Variants in PPP2R3A observed in about 807,000 individuals in gnomAD.
PPP2R3A encodes protein phosphatase 2 regulatory subunit B''alpha, also known as serine/threonine-protein phosphatase 2A regulatory subunit B'' subunit alpha.
Under a neutral mutation model 106.9 loss-of-function variants are expected in PPP2R3A, and 80 were observed. That is an observed-to-expected ratio of 0.75 (90% CI 0.62 to 0.90). PPP2R3A has a LOEUF of 0.90. Among genes scored for constraint, PPP2R3A ranks in the 40% least tolerant of loss-of-function variants. The probability of loss-of-function intolerance (pLI) is 0.00; values close to 1 mark genes in which losing one functional copy is unlikely to be tolerated. For synonymous variants in PPP2R3A, 483 were observed against 468.3 expected (o/e 1.03, Z -0.41); for missense variants, 1,386 against 1,350.4 (o/e 1.03, Z -0.41).
rs921975509 is a variant in PPP2R3A, at chr3:136,146,525, G to A, written c.*1359G>A. 1 of 152,040 alleles carries A rather than the reference G, an allele frequency of 6.6e-6. No homozygotes were observed. Among genetic ancestry groups the A allele is most frequent in the African/African-American group, 2.4e-5 (1 of 41,388 alleles). The allele number at this position is 152,040 out of a possible 1,614,324, so 9.4% of individuals were successfully genotyped here. On this transcript the variant is annotated 3_prime_UTR_variant, in exon 14 of 14. Coordinates refer to ENST00000264977, the MANE Select transcript of PPP2R3A (RefSeq NM_002718.5). ...TAGGCAAAAAGAAAAGGAGAATTTA[G>A]GAAATAAATATGCTATAAACAAGGT...
chr3:136,087,964 G>C (rs913467164), intron 9 of PPP2R3A, 33 bp downstream of exon 9: 1 of 1,549,384 alleles, frequency 6.5e-7, no homozygotes, highest in African/African-American at 1.4e-5. Context: ...GTTTAAAAAT[G>C]AACTACAAGT....
chr3:136,079,975 A>G (rs2107926522), intron 7 of PPP2R3A, among the ~76,000 whole-genome samples: 1 of 152,322 alleles, frequency 6.6e-6, no homozygotes, highest in African/African-American at 2.4e-5. Context: ...GCACATCTAG[A>G]GTAATAAACA....
intron 5 of PPP2R3A, among the ~76,000 whole-genome samples, chr3:136,056,037 A>G (rs1559893023): frequency 6.6e-6 from 1 of 152,192 alleles, no homozygotes; most frequent in South Asian, 2.1e-4. Context: ...CTTTGGCAAG[A>G]TATGGTGCAA....
At chr3:136,094,248 T>C (rs1220316100) in intron 10 of PPP2R3A, among the ~76,000 whole-genome samples, 1 of 152,190 alleles carries the variant, frequency 6.6e-6, no homozygotes, top group African/African-American at 2.4e-5. Context: ...TGCTAATGGG[T>C]ATGGAGTCTC....
chr3:136,134,877 A>G (rs1290464925), intron 13 of PPP2R3A, among the ~76,000 whole-genome samples: 1 of 152,126 alleles, frequency 6.6e-6, no homozygotes, highest in Non-Finnish European at 1.5e-5. Flanking sequence ...TTTGGAGTAT[A>G]CCCTTCTATA....
chr3:136,103,283 G>A lies in PPP2R3A; in HGVS notation c.3129G>A (p.Lys1043=). 6.2e-7 allele frequency: 1 copy of A among 1,606,142 alleles called. No individual in the cohort carries two copies. The highest frequency in any genetic ancestry group is 8.5e-7 in the Non-Finnish European group (1 of 1,173,748). ...VDGKITLRDL[K]RCRMAHIFYD... is the part of the protein sequence containing the mutation. ...GCAAAATAACTCTAAGAGATCTGAAGAGGTGCAGAATGGCTCACATCTTCT... is the reference window on the plus strand; with the variant it reads ...GCAAAATAACTCTAAGAGATCTGAAAAGGTGCAGAATGGCTCACATCTTCT... The change falls in exon 12 of 14, where the codon AAG becomes AAA. Residue 1043 remains lysine (K), a synonymous_variant. Coordinates refer to ENST00000264977, the MANE Select transcript of PPP2R3A (RefSeq NM_002718.5).
At chr3:136,071,840 C>T (rs1328156141) in intron 6 of PPP2R3A, among the ~76,000 whole-genome samples, 1 of 152,174 alleles carries the variant, frequency 6.6e-6, no homozygotes, top group Non-Finnish European at 1.5e-5. Context: ...AAACCAAACC[C>T]ACTTCTGCCT....
intron 12 of PPP2R3A, among the ~76,000 whole-genome samples, chr3:136,105,093 C>T (rs1937481479): frequency 6.6e-6 from 1 of 152,136 alleles, no homozygotes; most frequent in Non-Finnish European, 1.5e-5. Flanking sequence ...AGGTGGCAAC[C>T]AAAGTATCTA....
chr3:136,128,994 G>A (rs1324095181), intron 13 of PPP2R3A, among the ~76,000 whole-genome samples: 1 of 152,154 alleles, frequency 6.6e-6, no homozygotes, highest in Admixed American at 6.5e-5. Context: ...CAACCTACCA[G>A]AATCTCTGGG....
At chr3:136,079,746 CT>C (rs79330361) in intron 7 of PPP2R3A, among the ~76,000 whole-genome samples, 7,282 of 142,078 alleles carry the variant, frequency 0.051, 474 homozygotes, top group African/African-American at 0.16. Flanking sequence ...AAAATTAATC[CT>C]TTTTTTTTTT....
intron 3 of PPP2R3A, among the ~76,000 whole-genome samples, chr3:136,028,565 T>G (rs547948001): frequency 6.6e-6 from 1 of 152,326 alleles, no homozygotes; most frequent in African/African-American, 2.4e-5. Context: ...ACATATGTCA[T>G]CTCCCTGGAC....
rs1451935145 is a variant in PPP2R3A, at chr3:136,078,363, C to G, written c.2545-4C>G. 6.3e-7 allele frequency: 1 copy of G among 1,578,970 alleles called. No homozygotes were observed. The highest frequency in any genetic ancestry group is 1.4e-5 in the African/African-American group (1 of 73,850). On this transcript the variant is annotated splice_polypyrimidine_tract_variant and splice_region_variant and intron_variant, in intron 6 of 13. Transcript: ENST00000264977. ...ATTTGGTTTTATTTTCCTTTTGGAA[C>G]CAGGTTATTCAGAGAATATTCTACA...
intron 1 of PPP2R3A, among the ~76,000 whole-genome samples, chr3:135,997,122 T>A (rs1226880316): frequency 6.6e-6 from 1 of 152,096 alleles, no homozygotes; most frequent in Non-Finnish European, 1.5e-5. Context: ...AATTCATATC[T>A]CCATTCTCTT....
chr3:136,079,015 G>A (rs1253682715), intron 7 of PPP2R3A: 2 of 287,166 alleles, frequency 7.0e-6, no homozygotes, highest in Non-Finnish European at 1.4e-5. Context: ...TTAAGCTTCT[G>A]TAAACATAAA....
intron 2 of PPP2R3A, among the ~76,000 whole-genome samples, chr3:136,012,474 C>G (rs1454324385): frequency 6.6e-6 from 1 of 152,166 alleles, no homozygotes; most frequent in Non-Finnish European, 1.5e-5. Flanking sequence ...TTTCCTCTAT[C>G]ATACACATGC....
intron 2 of PPP2R3A, among the ~76,000 whole-genome samples, chr3:136,021,673 T>G (rs1398951475): frequency 1.3e-5 from 2 of 152,138 alleles, no homozygotes; most frequent in African/African-American, 4.8e-5. Context: ...AATGATGTGG[T>G]TGATTGAAAA....
chr3:136,081,679 C>G (rs952593969), intron 7 of PPP2R3A, among the ~76,000 whole-genome samples: 1 of 152,118 alleles, frequency 6.6e-6, no homozygotes. Context: ...GGTTCAGTAT[C>G]ATTGATTCTG....
chr3:136,140,197 G>C (rs1938800899), intron 13 of PPP2R3A, among the ~76,000 whole-genome samples: 1 of 151,842 alleles, frequency 6.6e-6, no homozygotes, highest in South Asian at 2.1e-4. Flanking sequence ...CCCAGAAGTG[G>C]CCATGCAGAA....
At chr3:136,113,126 A>G (rs1483945024) in intron 13 of PPP2R3A, among the ~76,000 whole-genome samples, 1 of 151,970 alleles carries the variant, frequency 6.6e-6, no homozygotes, top group East Asian at 1.9e-4. Flanking sequence ...AAAGAAAAAA[A>G]AAATCATATG....
Sources: allele counts gnomAD v4.1 joint callset (sites outside exome capture counted in the v4.1 genomes callset), GRCh38; gene constraint gnomAD v4.1.1; transcripts MANE v1.5; gene names NCBI Gene and HGNC (gene_info 2026-07-23, HGNC 2026-07-21).